Variants in MROH7 observed in about 807,000 individuals in gnomAD.
MROH7 encodes the protein maestro heat like repeat family member 7.
In MROH7, 113 loss-of-function variants were observed where a neutral mutation model predicts 129.2. The observed-to-expected ratio is 0.87, with a 90% CI of 0.75 to 1.02. The LOEUF (loss-of-function observed/expected upper bound fraction) is 1.02. MROH7 is among the 50% of genes least tolerant of loss of function. MROH7 has a pLI of 0.00. For missense variants in MROH7, 1,601 were observed against 1,671.3 expected (o/e 0.96, Z 0.73); for synonymous variants, 655 against 667.9 (o/e 0.98, Z 0.30).
intron 1 of MROH7, among the ~76,000 whole-genome samples, chr1:54,643,384 G>T (rs1283642704): frequency 1.3e-5 from 2 of 152,202 alleles, no homozygotes; most frequent in African/African-American, 4.8e-5. Flanking sequence ...AAACATTGAG[G>T]ATCCTGGAAG....
intron 4 of MROH7, among the ~76,000 whole-genome samples, chr1:54,668,322 C>A (rs1238121388): frequency 6.6e-6 from 1 of 152,220 alleles, no homozygotes; most frequent in Non-Finnish European, 1.5e-5. Context: ...TTTCAATATG[C>A]CACACACCTC....
chr1:54,665,902 T>G (rs1311918341), intron 4 of MROH7: 1 of 152,338 alleles, frequency 6.6e-6, no homozygotes, highest in East Asian at 1.9e-4. Context: ...AGGGCGGAGA[T>G]GGGGAGAAGT....
intron 3 of MROH7, among the ~76,000 whole-genome samples, chr1:54,655,221 G>C (rs1472829125): frequency 6.6e-6 from 1 of 151,790 alleles, no homozygotes; most frequent in Non-Finnish European, 1.5e-5. Flanking sequence ...TGCCATGTTG[G>C]TCAGGCTGGT....
chr1:54,647,042 T>TA (rs1271813900), intron 1 of MROH7, among the ~76,000 whole-genome samples: 1 of 152,258 alleles, frequency 6.6e-6, no homozygotes, highest in African/African-American at 2.4e-5. Flanking sequence ...CATTAATCAG[T>TA]ATGTGGCTAT....
chr1:54,678,758 A>G lies in MROH7; in HGVS notation c.1953A>G (p.Glu651=). 6.2e-7 allele frequency: 1 copy of G among 1,613,862 alleles called. No individual in the cohort carries two copies. The highest frequency in any genetic ancestry group is 1.7e-5 in the Admixed American group (1 of 60,014). Residue 651 remains glutamate, a synonymous_variant, in exon 11 of 24, where the codon GAA becomes GAG. Transcript: ENST00000421030. ...LELQKRARDK[E]ETNKKELYES... ...ATCTTGCAGGAGCCAGAGATAAGGA[A>G]GAGACCAACAAAAAGGAGCTATATG...
intron 17 of MROH7, chr1:54,699,107 T>C (rs1408734574): frequency 1.5e-5 from 1 of 68,180 alleles, no homozygotes; most frequent in Non-Finnish European, 3.2e-5. Context: ...TCTTTCTTTC[T>C]TTCTTTCTTT....
intron 10 of MROH7, among the ~76,000 whole-genome samples, chr1:54,676,958 C>T (rs960871351): frequency 6.6e-6 from 1 of 151,668 alleles, no homozygotes; most frequent in African/African-American, 2.4e-5. Context: ...CCGTCCCCCT[C>T]GACCTCCCAA....
At chr1:54,655,109 G>T (rs568553480) in intron 3 of MROH7, among the ~76,000 whole-genome samples, 2 of 151,302 alleles carry the variant, frequency 1.3e-5, no homozygotes, top group Admixed American at 6.6e-5. Context: ...CTGCCTCCTG[G>T]GTTCAAGTGA....
At position 54,699,941 on chromosome 1, in the gene MROH7, G is replaced by A. The variant is rs139751201; in HGVS notation, c.2965-380G>A. Reference sequence around the variant, plus strand: ...TGGAGGTGGGCATCCCAGGAGAAGGGCATTTTGCCAGCACAGAAGGGGTGG... The same window carrying A: ...TGGAGGTGGGCATCCCAGGAGAAGGACATTTTGCCAGCACAGAAGGGGTGG... On this transcript the variant is annotated intron_variant, in intron 17 of 23. Transcript: ENST00000421030. 16 of 594,112 alleles carry A rather than the reference G, an allele frequency of 2.7e-5. No individual in the cohort carries two copies. The African/African-American group carries it at 3.0e-4, about 11-fold the overall frequency. The allele number at this position is 594,112 out of a possible 1,614,324, so 36.8% of individuals were successfully genotyped here.
intron 15 of MROH7, among the ~76,000 whole-genome samples, chr1:54,689,925 G>C (rs986028630): frequency 6.6e-6 from 1 of 152,150 alleles, no homozygotes; most frequent in African/African-American, 2.4e-5. Context: ...GAGTCCAAGA[G>C]ATCAAGGCTG....
At chr1:54,656,819 A>G (rs1569869861) in intron 3 of MROH7, among the ~76,000 whole-genome samples, 1 of 152,130 alleles carries the variant, frequency 6.6e-6, no homozygotes, top group East Asian at 1.9e-4. Context: ...TCAAAAATAA[A>G]TAAATAAATA....
At position 54,700,345 on chromosome 1, in the gene MROH7, C is replaced by T. The variant is rs1218730541; in HGVS notation, c.2989C>T (p.Arg997Trp). Residue 997 changes from arginine to tryptophan, a missense_variant, in exon 18 of 24, where the codon CGG becomes TGG. By Grantham distance (101) the Arg-to-Trp change is moderately radical. Transcript: ENST00000421030. ...GCTCCTCCAGATGGAGCAGGTGCGC[C>T]GGATCCCCGAGGAATACTCTCTGGG... ...VELLQMEQVR[R>W]IPEEYSLGRM... The T allele has an allele frequency of 6.2e-6, 10 of 1,613,956 alleles. No homozygotes were observed. The highest frequency in any genetic ancestry group is 1.1e-5 in the South Asian group (1 of 91,064).
chr1:54,708,539 A>C (rs1273355224), intron 22 of MROH7, among the ~76,000 whole-genome samples: 2 of 152,196 alleles, frequency 1.3e-5, no homozygotes, highest in African/African-American at 4.8e-5. Context: ...GGGAGGGATG[A>C]GCAATGCATC....
chr1:54,648,253 C>T (rs1308682692), intron 1 of MROH7, among the ~76,000 whole-genome samples: 2 of 152,172 alleles, frequency 1.3e-5, no homozygotes, highest in South Asian at 2.1e-4. Flanking sequence ...ACCATATAGG[C>T]ATGGATTTAT....
intron 10 of MROH7, among the ~76,000 whole-genome samples, chr1:54,676,749 C>T (rs1483000438): frequency 2.0e-5 from 3 of 146,856 alleles, no homozygotes; most frequent in African/African-American, 5.0e-5. Context: ...TGCTTTGTCG[C>T]CCAGGCTGGA....
chr1:54,670,678 C>A lies in MROH7; in HGVS notation c.1469+102C>A, dbSNP rs374093497. 6.0e-6 allele frequency: 8 copies of A among 1,339,748 alleles called. No individual in the cohort carries two copies. In the African/African-American group the frequency reaches 8.8e-5, roughly 15 times the overall value. 83.0% of individuals were successfully genotyped at this position (1,339,748 alleles called of 1,614,324 possible). A position where few individuals can be genotyped will look rare whatever the true frequency, so the allele number is the denominator to read the frequency against. ...TGTACCCTCCCCCAACCCGCCCCCA[C>A]CCCTCGCCCGGTGCCTTTTCCCCTC... On this transcript the variant is annotated intron_variant, in intron 6 of 23. Transcript: ENST00000421030.
intron 14 of MROH7, among the ~76,000 whole-genome samples, chr1:54,685,205 C>T (rs1458459099): frequency 2.6e-5 from 4 of 152,092 alleles, no homozygotes; most frequent in South Asian, 2.1e-4. Flanking sequence ...TTAGTAGAGA[C>T]GGGGTTTCCC....
intron 4 of MROH7, among the ~76,000 whole-genome samples, chr1:54,666,595 C>T (rs543370716): frequency 2.7e-5 from 3 of 109,120 alleles, no homozygotes; most frequent in Admixed American, 1.1e-4. Flanking sequence ...CCTCTGTGCC[C>T]GGCCCTGGGC....
intron 14 of MROH7, among the ~76,000 whole-genome samples, chr1:54,683,178 T>A (rs1308806433): frequency 6.6e-6 from 1 of 152,126 alleles, no homozygotes; most frequent in East Asian, 1.9e-4. Context: ...CTCTATTTTT[T>A]TAAAAAAATC....
Sources: allele counts gnomAD v4.1 joint callset (sites outside exome capture counted in the v4.1 genomes callset), GRCh38; gene constraint gnomAD v4.1.1; transcripts MANE v1.5; gene names NCBI Gene and HGNC (gene_info 2026-07-23, HGNC 2026-07-21).